The following SULT2B1 variants were observed in gnomAD, a reference collection of about 807,000 sequenced individuals.
The protein encoded by SULT2B1 is sulfotransferase 2B1.
SULT2B1 carries 16 observed loss-of-function variants against 33.2 expected under a neutral mutation model. That is an observed-to-expected ratio of 0.48 (90% confidence interval 0.33 to 0.73). SULT2B1 has a LOEUF of 0.73. SULT2B1 is among the 30% of genes least tolerant of loss of function. The pLI is 0.02. For synonymous variants in SULT2B1, 186 were observed against 200.5 expected, an observed-to-expected ratio of 0.93 and a Z score of 0.61; for missense variants, 500 against 506.0, an observed-to-expected ratio of 0.99 and a Z score of 0.11.
At chr19:48,566,579 C>T (rs771398150) in intron 1 of SULT2B1, among the ~76,000 whole-genome samples, 3 of 152,074 alleles carry the variant, frequency 2.0e-5, no homozygotes, top group Admixed American at 6.6e-5. Context: ...TGGTGGCTCA[C>T]ACCTGTAATT....
intron 6 of SULT2B1, 90 bp downstream of exon 6, chr19:48,597,009 C>A: frequency 7.5e-7 from 1 of 1,342,018 alleles, no homozygotes; most frequent in Non-Finnish European, 1.0e-6. Flanking sequence ...GCCTCAGTTT[C>A]TCACCCAGCT....
chr19:48,577,352 CTTTTTTTTTTT>C lies in SULT2B1; in HGVS notation c.214+1289_214+1299del, dbSNP rs1209521675. Among the ~76,000 whole-genome samples the C allele has an allele frequency of 5.5e-4, 17 of 30,648 alleles. No individual in the cohort carries two copies. In the East Asian group the frequency reaches 0.017, roughly 30 times the overall value. The allele number at this position is 30,648 out of a possible 152,430, so 20.1% of individuals were successfully genotyped here. On this transcript the variant is annotated intron_variant, in intron 2 of 6. Coordinates refer to ENST00000201586, the MANE Select transcript of SULT2B1 (RefSeq NM_177973.2). ...TTACAGGTGTGAGCCACTGAGCCGTCTTTTTTTTTTTTTTTTTTTTTTTTTTTTTTAGAGAC... is the reference window on the plus strand; with the variant it reads ...TTACAGGTGTGAGCCACTGAGCCGTCTTTTTTTTTTTTTTTTTTTAGAGAC...
intron 1 of SULT2B1, among the ~76,000 whole-genome samples, chr19:48,567,735 T>C (rs905696082): frequency 1.8e-4 from 27 of 150,934 alleles, no homozygotes; most frequent in African/African-American, 6.3e-4. Flanking sequence ...TCTGGGAGGC[T>C]GAAGTGGGAG....
chr19:48,591,874 C>A, intron 4 of SULT2B1, 139 bp downstream of exon 4: 3 of 970,426 alleles, frequency 3.1e-6, no homozygotes, highest in Non-Finnish European at 4.0e-6. Context: ...AGACAGAGAG[C>A]AGGTGGCCAG....
chr19:48,587,551 A>G, intron 3 of SULT2B1, 114 bp downstream of exon 3: 1 of 1,199,160 alleles, frequency 8.3e-7, no homozygotes, highest in Non-Finnish European at 1.2e-6. Flanking sequence ...AACACCTACT[A>G]TGTGCCTGAC....
Position 48,599,281 on chromosome 19 carries a change from C to T in SULT2B1, c.973C>T (p.Pro325Ser). Residue 325 changes from proline (P) to serine (S), a missense_variant, in exon 7 of 7, where the codon CCT becomes TCT. Physicochemically the swap from Pro to Ser is moderately conservative, Grantham distance 74 (BLOSUM62 -1). Transcript: ENST00000201586. The surrounding 1 kb of genome is among the most constrained non-coding windows in gnomAD (Gnocchi z 4.1). ...CGGCAGCCCAGATCCTGAGCCCAGC[C>T]CTGAGCCTGAGCCCAAGCCCAGCCT... ...EDGSPDPEPSPEPEPKPSLEP... is the reference protein window; with the variant it reads ...EDGSPDPEPSSEPEPKPSLEP... 1.9e-6 allele frequency: 3 copies of T among 1,610,852 alleles called. No homozygotes were observed. Among genetic ancestry groups the T allele is most frequent in the Non-Finnish European group, 2.5e-6 (3 of 1,178,804 alleles).
chr19:48,572,232 G>T (rs565444789), intron 1 of SULT2B1, among the ~76,000 whole-genome samples: 1 of 152,050 alleles, frequency 6.6e-6, no homozygotes, highest in Admixed American at 6.6e-5. Context: ...GGTGACATCT[G>T]TGCTGGGAGC....
At chr19:48,568,806 G>A (rs1282374827) in intron 1 of SULT2B1, among the ~76,000 whole-genome samples, 2 of 152,106 alleles carry the variant, frequency 1.3e-5, no homozygotes, top group African/African-American at 2.4e-5. Context: ...CTGTCCGATC[G>A]CATTCCTGGA....
rs200065856 is a variant in SULT2B1, at chr19:48,599,166, G to A, written c.858G>A (p.Thr286=). 12 of 1,594,890 alleles carry A rather than the reference G, an allele frequency of 7.5e-6. No individual in the cohort carries two copies. The highest frequency in any genetic ancestry group is 2.3e-5 in the East Asian group (1 of 44,178). The change falls in exon 7 of 7, where the codon ACG becomes ACA. Residue 286 remains threonine, a synonymous_variant. Coordinates refer to ENST00000201586, the MANE Select transcript of SULT2B1 (RefSeq NM_177973.2). This position sits in a 1 kb window ranked among gnomAD's most constrained non-coding sequence, Gnocchi z 4.1. ...GCGGCGACTGGAAGAACCACTTCAC[G>A]GTGGCCCAGAGCGAAGCCTTCGATC... ...GVCGDWKNHF[T]VAQSEAFDRA...
At chr19:48,575,798 A>G in intron 1 of SULT2B1, 143 bp from the exon 2 acceptor site, 1 of 1,423,906 alleles carries the variant, frequency 7.0e-7, no homozygotes, top group Non-Finnish European at 9.3e-7. Context: ...TAAAGTTTAT[A>G]GGGACAGTGT....
At chr19:48,555,022 C>T (rs1020535078) in intron 1 of SULT2B1, among the ~76,000 whole-genome samples, 4 of 152,148 alleles carry the variant, frequency 2.6e-5, no homozygotes, top group African/African-American at 9.7e-5. Flanking sequence ...GGAGGTGAAG[C>T]GGGCGCTCTG....
intron 2 of SULT2B1, among the ~76,000 whole-genome samples, chr19:48,578,086 G>A (rs968371427): frequency 7.2e-5 from 11 of 151,862 alleles, no homozygotes; most frequent in African/African-American, 1.9e-4. Context: ...GGTGGTGTGC[G>A]CCTGTAGTCC....
rs1973396610 is a variant in SULT2B1 at position 48,575,756 on chromosome 19, C to T, written c.72-185C>T. On this transcript the variant is annotated intron_variant, in intron 1 of 6. Coordinates refer to ENST00000201586, the MANE Select transcript of SULT2B1 (RefSeq NM_177973.2). ...TCTGTCTCCCAAAGTGCTGGGATTA[C>T]AGGAGTGTGCCACTGCGCCTGACCA... 4 of 1,072,096 alleles carry T rather than the reference C, an allele frequency of 3.7e-6. No individual in the cohort carries two copies. The Admixed American group carries it at 9.4e-5, about 25-fold the overall frequency. 66.4% of individuals were successfully genotyped at this position (1,072,096 alleles called of 1,614,324 possible). A position where few individuals can be genotyped will look rare whatever the true frequency, so the allele number is the denominator to read the frequency against.
intron 2 of SULT2B1, 139 bp downstream of exon 2, chr19:48,576,222 T>C: frequency 1.4e-6 from 1 of 727,764 alleles, no homozygotes; most frequent in Non-Finnish European, 2.2e-6. Flanking sequence ...CTGCCAGAAG[T>C]AGCCTCCCAG....
intron 2 of SULT2B1, among the ~76,000 whole-genome samples, chr19:48,578,715 A>G (rs1973446014): frequency 6.6e-6 from 1 of 151,818 alleles, no homozygotes; most frequent in South Asian, 2.1e-4. Context: ...CGTGTCTACT[A>G]AAAATGCAAA....
rs1296426017 is a variant in SULT2B1 at position 48,576,354 on chromosome 19, CTTCTCTTTT to C, written c.214+274_214+282del. Among the ~76,000 whole-genome samples, 48 of 79,920 alleles carry C rather than the reference CTTCTCTTTT, an allele frequency of 6.0e-4. 5 individuals are homozygous for C. Among genetic ancestry groups the C allele is most frequent in the South Asian group, 5.9e-3 (14 of 2,354 alleles). 52.4% of individuals were successfully genotyped at this position (79,920 alleles called of 152,430 possible). A position where few individuals can be genotyped will look rare whatever the true frequency, so the allele number is the denominator to read the frequency against. On this transcript the variant is annotated intron_variant, in intron 2 of 6. Coordinates refer to ENST00000201586, the MANE Select transcript of SULT2B1 (RefSeq NM_177973.2). ...TCCTCCCTTTCCCCTTTACCCTCTA[CTTCTCTTTT>C]TTTTTTTTTTTTTTGTAGAGATGGG...
intron 3 of SULT2B1, among the ~76,000 whole-genome samples, chr19:48,589,708 T>C (rs1973618058): frequency 6.6e-6 from 1 of 152,186 alleles, no homozygotes; most frequent in Admixed American, 6.5e-5. Context: ...ACGCCTGAAA[T>C]CCCAGCACTT....
chr19:48,558,320 G>T (rs1973128108), intron 1 of SULT2B1, among the ~76,000 whole-genome samples: 1 of 143,404 alleles, frequency 7.0e-6, no homozygotes. Flanking sequence ...GGGAGACTCA[G>T]CCCAGACAGG....
intron 1 of SULT2B1, among the ~76,000 whole-genome samples, chr19:48,556,667 A>G (rs1307216354): frequency 6.6e-6 from 1 of 151,586 alleles, no homozygotes; most frequent in Admixed American, 6.6e-5. Flanking sequence ...AAAAAAAAAA[A>G]GTTGCCAGCT....
Sources: gnomAD v4.1 joint callset for allele counts (sites outside exome capture counted in the v4.1 genomes callset) on GRCh38, gnomAD v4.1.1 for gene constraint, Gnocchi (gnomAD v3.1) non-coding constraint, MANE v1.5 for transcripts, NCBI Gene and HGNC (gene_info 2026-07-23, HGNC 2026-07-21) for gene names.